TTC7A: variants seen among roughly 807,000 people sequenced by gnomAD.
TTC7A encodes the protein tetratricopeptide repeat domain 7A, also known as tetratricopeptide repeat protein 7A.
A neutral mutation model predicts 103.7 loss-of-function variants in TTC7A; 110 were observed. The observed-to-expected ratio is 1.06, with a 90% CI of 0.91 to 1.24. TTC7A has a LOEUF of 1.24. Among genes scored for constraint, TTC7A ranks in the 50% most tolerant of loss-of-function variants. The pLI is 0.00. For missense variants in TTC7A, 1,340 were observed against 1,116.3 expected (o/e 1.20, Z -2.86); for synonymous variants, 521 against 467.9 (o/e 1.11, Z -1.47).
chr2:46,992,470 A>G (rs1477292964), intron 5 of TTC7A, among the ~76,000 whole-genome samples: 1 of 152,236 alleles, frequency 6.6e-6, no homozygotes, highest in Non-Finnish European at 1.5e-5. Flanking sequence ...GGAAGAAGCC[A>G]GTGCCGAGAC....
chr2:47,005,975 A>C lies in TTC7A; in HGVS notation c.1119A>C (p.Thr373=). 6.2e-7 allele frequency: 1 copy of C among 1,614,008 alleles called. No individual in the cohort carries two copies. Among genetic ancestry groups the C allele is most frequent in the Non-Finnish European group, 8.5e-7 (1 of 1,180,012 alleles). Residue 373 remains threonine (T), a synonymous_variant, in exon 9 of 20, where the codon ACA becomes ACC. Transcript: ENST00000319190. ...TGCCGGAGCAGGAGGAGGACCGGACAGTGAGCTTGCAGAATGCCGCAGCCA... is the reference window on the plus strand; with the variant it reads ...TGCCGGAGCAGGAGGAGGACCGGACCGTGAGCTTGCAGAATGCCGCAGCCA... The part of the protein sequence containing the change: ...SRVPEQEEDR[T]VSLQNAAAIY...
chr2:46,992,873 G>A (rs560468770), intron 5 of TTC7A, among the ~76,000 whole-genome samples: 26 of 152,360 alleles, frequency 1.7e-4, no homozygotes, highest in African/African-American at 6.0e-4. Flanking sequence ...AAGTGTATGT[G>A]GGTAATGGGT....
chr2:47,018,678 C>T (rs1014003112), intron 11 of TTC7A, among the ~76,000 whole-genome samples: 2 of 150,866 alleles, frequency 1.3e-5, no homozygotes, highest in African/African-American at 4.9e-5. Flanking sequence ...TATATATCTA[C>T]ATATGTAAAT....
At chr2:47,072,221 C>G (rs1558654566) in intron 19 of TTC7A, among the ~76,000 whole-genome samples, 1 of 152,232 alleles carries the variant, frequency 6.6e-6, no homozygotes, top group East Asian at 1.9e-4. Context: ...AAGACCCTGC[C>G]TGAGGCTCCA....
rs551474924 is a variant in TTC7A at position 47,007,024 on chromosome 2, A to G, written c.1287+300A>G. 3.9e-5 allele frequency among the ~76,000 whole-genome samples: 6 copies of G among 152,288 alleles called. No homozygotes were observed. The highest frequency in any genetic ancestry group is 9.6e-5 in the African/African-American group (4 of 41,554). ...GCTGAAGAGCTAATAATGTGACTGC[A>G]TGTGGTGGATATGAGGTGCATCCAG... On this transcript the variant is annotated intron_variant, in intron 10 of 19. Transcript: ENST00000319190. This position sits in a 1 kb window ranked among gnomAD's most constrained non-coding sequence, Gnocchi z 4.9.
chr2:46,987,820 G>C (rs951602104), intron 5 of TTC7A, among the ~76,000 whole-genome samples: 7 of 150,712 alleles, frequency 4.6e-5, no homozygotes, highest in East Asian at 1.9e-4. Flanking sequence ...GTGTGTGTGT[G>C]TGTGTGTGTG....
At chr2:47,010,496 C>A (rs1389047096) in intron 10 of TTC7A, among the ~76,000 whole-genome samples, 1 of 152,044 alleles carries the variant, frequency 6.6e-6, no homozygotes, top group Non-Finnish European at 1.5e-5. Context: ...TGTGGCTGCC[C>A]CGCCCCGCCC....
chr2:47,003,050 C>T (rs772077705), intron 8 of TTC7A, among the ~76,000 whole-genome samples: 53 of 151,364 alleles, frequency 3.5e-4, no homozygotes, highest in Non-Finnish European at 7.4e-4. Flanking sequence ...ACCTAATTAA[C>T]GCCCGGTTCT....
intron 2 of TTC7A, among the ~76,000 whole-genome samples, chr2:46,919,814 A>C (rs1572631405): frequency 6.6e-6 from 1 of 152,334 alleles, no homozygotes; most frequent in Non-Finnish European, 1.5e-5. Context: ...GCCACCAAAG[A>C]AACTGCAGTT....
chr2:47,017,200 CAAAAAAAAAAA>C (rs70940652), intron 11 of TTC7A, among the ~76,000 whole-genome samples: 4 of 35,584 alleles, frequency 1.1e-4, no homozygotes, highest in Admixed American at 4.3e-4. Context: ...CACTCTGTCT[CAAAAAAAAAAA>C]AAAAAAAAAA....
chr2:47,015,730 G>T (rs963713972), intron 11 of TTC7A, among the ~76,000 whole-genome samples: 5 of 152,162 alleles, frequency 3.3e-5, no homozygotes, highest in African/African-American at 1.2e-4. Flanking sequence ...ACACAAAAAG[G>T]ATGCGCCTTG....
chr2:47,044,163 C>G (rs1682060621), intron 15 of TTC7A, among the ~76,000 whole-genome samples: 2 of 152,200 alleles, frequency 1.3e-5, no homozygotes, highest in South Asian at 4.1e-4. Flanking sequence ...TCTTCTCTCT[C>G]CCTGACTCCC....
intron 5 of TTC7A, among the ~76,000 whole-genome samples, chr2:46,980,276 A>G (rs1302958230): frequency 2.1e-5 from 3 of 141,556 alleles, no homozygotes; most frequent in African/African-American, 5.3e-5. Context: ...CTGGAGTGCA[A>G]TGGTGTGATC....
chr2:46,988,206 C>A (rs950142685), intron 5 of TTC7A, among the ~76,000 whole-genome samples: 1 of 152,180 alleles, frequency 6.6e-6, no homozygotes, highest in East Asian at 1.9e-4. Flanking sequence ...CCATCCCCGG[C>A]CTCACTAGAA....
chr2:46,916,205 A>G lies in TTC7A; in HGVS notation c.-385A>G, dbSNP rs533947347. 23 of 972,648 alleles carry G rather than the reference A, an allele frequency of 2.4e-5. No individual in the cohort carries two copies. In the East Asian group the frequency reaches 9.2e-4, roughly 39 times the overall value. The allele number at this position is 972,648 out of a possible 1,614,324, so 60.3% of individuals were successfully genotyped here. ...AGGTCTCTTGGTTCGTCCTGCTGCAAGTTGGGAAGAAAGATAATAGGAATG... is the reference window on the plus strand; with the variant it reads ...AGGTCTCTTGGTTCGTCCTGCTGCAGGTTGGGAAGAAAGATAATAGGAATG... On this transcript the variant is annotated 5_prime_UTR_variant, in exon 1 of 21. Coordinates refer to the TTC7A transcript ENST00000409245.
intron 2 of TTC7A, among the ~76,000 whole-genome samples, chr2:46,922,554 A>AG (rs34111570): frequency 1.2e-4 from 19 of 152,080 alleles, no homozygotes; most frequent in East Asian, 7.7e-4. Context: ...TCCCCAGTCA[A>AG]GGGGGCAAGG....
chr2:46,954,606 C>T (rs892266765), intron 2 of TTC7A, among the ~76,000 whole-genome samples: 2 of 142,550 alleles, frequency 1.4e-5, no homozygotes, highest in African/African-American at 5.4e-5. Context: ...GAGTCTCGCT[C>T]TGTCACCCAG....
chr2:46,965,377 A>G (rs576640022), intron 3 of TTC7A, among the ~76,000 whole-genome samples: 43 of 152,214 alleles, frequency 2.8e-4, no homozygotes, highest in African/African-American at 9.6e-4. Context: ...TGTGTGCCTC[A>G]CATGGACAGG....
In TTC7A at chr2:47,007,556, C is replaced by A. The variant is rs1185562143; in HGVS notation, c.1287+832C>A. 6.6e-6 allele frequency among the ~76,000 whole-genome samples: 1 copy of A among 152,086 alleles called. No homozygotes were observed. The highest frequency in any genetic ancestry group is 2.4e-5 in the African/African-American group (1 of 41,404). On this transcript the variant is annotated intron_variant, in intron 10 of 19. Coordinates refer to ENST00000319190, the MANE Select transcript of TTC7A (RefSeq NM_020458.4). The surrounding 1 kb of genome is among the most constrained non-coding windows in gnomAD (Gnocchi z 4.9). ...CCTCGCCCCCCTGGCCCATCTGTGCCACGTTCCATTTCTGGCCCCGCAGCC... is the reference window on the plus strand; with the variant it reads ...CCTCGCCCCCCTGGCCCATCTGTGCAACGTTCCATTTCTGGCCCCGCAGCC...
Sources: allele counts gnomAD v4.1 joint callset (sites outside exome capture counted in the v4.1 genomes callset), GRCh38; gene constraint gnomAD v4.1.1; non-coding constraint Gnocchi (gnomAD v3.1); transcripts MANE v1.5; gene names NCBI Gene and HGNC (gene_info 2026-07-23, HGNC 2026-07-21).